LINGO2: variants seen among roughly 807,000 people sequenced by gnomAD.
The protein encoded by LINGO2 is leucine-rich repeat and immunoglobulin-like domain-containing nogo receptor-interacting protein 2.
Under a neutral mutation model 30.6 loss-of-function variants are expected in LINGO2, and 14 were observed. That is an observed-to-expected ratio of 0.46 (90% CI 0.30 to 0.72). The LOEUF (loss-of-function observed/expected upper bound fraction) is 0.72. LINGO2 is among the 30% of genes least tolerant of loss of function. LINGO2 has a pLI of 0.07. For synonymous variants in LINGO2, 317 were observed against 288.5 expected (o/e 1.10, Z -1.00); for missense variants, 729 against 751.7 (o/e 0.97, Z 0.35).
intron 4 of LINGO2, among the ~76,000 whole-genome samples, chr9:28,038,419 C>A: frequency 6.6e-6 from 1 of 152,060 alleles, no homozygotes; most frequent in Non-Finnish European, 1.5e-5. Flanking sequence ...TATGGCTGGG[C>A]GCGGTGGCTC....
the LINGO2 span, among the ~76,000 whole-genome samples, chr9:28,969,098 C>T: frequency 6.6e-6 from 1 of 152,078 alleles, no homozygotes; most frequent in South Asian, 2.1e-4. Flanking sequence ...GTAGAGATCA[C>T]ATTTTACTGG....
chr9:29,017,123 G>T, the LINGO2 span, among the ~76,000 whole-genome samples: 1 of 151,984 alleles, frequency 6.6e-6, no homozygotes, highest in Non-Finnish European at 1.5e-5. Context: ...AATTAATCAG[G>T]ATTAATTTGA....
At chr9:28,847,792 A>C in the LINGO2 span, among the ~76,000 whole-genome samples, 2 of 45,922 alleles carry the variant, frequency 4.4e-5, no homozygotes, top group East Asian at 1.0e-3. Context: ...ATATATACAC[A>C]TATATGTATA....
At chr9:28,341,087 T>A (rs1156467373) in intron 3 of LINGO2, among the ~76,000 whole-genome samples, 1 of 152,122 alleles carries the variant, frequency 6.6e-6, no homozygotes, top group Non-Finnish European at 1.5e-5. Context: ...CTGGATTGTT[T>A]AATGAACAAA....
At chr9:28,256,869 A>G (rs534868087) in intron 4 of LINGO2, among the ~76,000 whole-genome samples, 1 of 151,942 alleles carries the variant, frequency 6.6e-6, no homozygotes, top group Non-Finnish European at 1.5e-5. Context: ...GTATTTTCCT[A>G]TATTTCCTCC....
At chr9:28,881,598 CTTT>C in the LINGO2 span, among the ~76,000 whole-genome samples, 11 of 143,324 alleles carry the variant, frequency 7.7e-5, no homozygotes, top group South Asian at 2.2e-4. Flanking sequence ...TACTGACAAC[CTTT>C]TTTTTTTTTT....
chr9:29,101,749 T>C, the LINGO2 span, among the ~76,000 whole-genome samples: 2 of 152,242 alleles, frequency 1.3e-5, no homozygotes, highest in African/African-American at 4.8e-5. Flanking sequence ...AGGATCTCAC[T>C]CTTTTTTATG....
the LINGO2 span, among the ~76,000 whole-genome samples, chr9:28,858,029 C>G: frequency 1.3e-5 from 2 of 151,892 alleles, no homozygotes; most frequent in African/African-American, 4.8e-5. Flanking sequence ...TGGATAAACA[C>G]TACCAAACAT....
rs557459058 is a variant in LINGO2, at chr9:28,021,792, TTC to T, written c.-86-9389_-86-9388del. Among the ~76,000 whole-genome samples the T allele has an allele frequency of 3.2e-4, 49 of 152,284 alleles. 1 individual carries two copies. The highest frequency in any genetic ancestry group is 2.5e-3 in the Admixed American group (38 of 15,290). On this transcript the variant is annotated intron_variant, in intron 4 of 5. Coordinates refer to ENST00000379992, the Ensembl canonical transcript of LINGO2. The stretch of plus-strand genomic sequence containing the variant: ...AAGTCAGTTTCGTTTAATACACTAC[TTC>T]TGTTTCTTTTGATTAGTAGGAGCAC...
intron 2 of LINGO2, among the ~76,000 whole-genome samples, chr9:28,405,567 G>A (rs931995570): frequency 6.6e-6 from 1 of 152,094 alleles, no homozygotes; most frequent in African/African-American, 2.4e-5. Context: ...TAGATTTGTA[G>A]CATTTACCAC....
At chr9:29,049,835 T>G in the LINGO2 span, among the ~76,000 whole-genome samples, 2 of 152,052 alleles carry the variant, frequency 1.3e-5, no homozygotes, top group African/African-American at 4.8e-5. Context: ...TGAGGATGGT[T>G]AATGAGTACA....
chr9:29,091,288 AC>A, the LINGO2 span, among the ~76,000 whole-genome samples: 12 of 152,058 alleles, frequency 7.9e-5, no homozygotes, highest in African/African-American at 2.9e-4. Context: ...GTGCCAATGG[AC>A]CCCCATGGAA....
intron 1 of LINGO2, among the ~76,000 whole-genome samples, chr9:28,587,207 C>A (rs1197251162): frequency 3.9e-5 from 6 of 151,958 alleles, no homozygotes; most frequent in Non-Finnish European, 8.8e-5. Context: ...CCCCCAAGAT[C>A]CCCTTCCCCT....
At chr9:28,517,366 G>A (rs1439065773) in intron 1 of LINGO2, among the ~76,000 whole-genome samples, 1 of 152,102 alleles carries the variant, frequency 6.6e-6, no homozygotes, top group Non-Finnish European at 1.5e-5. Context: ...AGACTTTCTA[G>A]GAAGCAAATG....
the LINGO2 span, among the ~76,000 whole-genome samples, chr9:29,058,785 C>G: frequency 1.3e-5 from 2 of 151,664 alleles, no homozygotes; most frequent in East Asian, 3.9e-4. Context: ...TCATCAAACA[C>G]AACGTAACAC....
the LINGO2 span, among the ~76,000 whole-genome samples, chr9:29,156,102 A>G: frequency 6.6e-6 from 1 of 152,134 alleles, no homozygotes; most frequent in African/African-American, 2.4e-5. Context: ...CTGCTACTAT[A>G]GATTGCTCTG....
At chr9:28,645,902 G>C (rs1827818713) in intron 1 of LINGO2, among the ~76,000 whole-genome samples, 1 of 152,096 alleles carries the variant, frequency 6.6e-6, no homozygotes, top group Non-Finnish European at 1.5e-5. Flanking sequence ...GTGCTTTAGA[G>C]CTAAACAGAC....
At chr9:28,668,785 A>G (rs893991105) in intron 1 of LINGO2, among the ~76,000 whole-genome samples, 3 of 152,172 alleles carry the variant, frequency 2.0e-5, no homozygotes, top group Admixed American at 1.3e-4. Flanking sequence ...AATTTATCAT[A>G]TTTTAAGTGC....
At chr9:28,618,666 C>T (rs773183153) in intron 1 of LINGO2, among the ~76,000 whole-genome samples, 60 of 152,144 alleles carry the variant, frequency 3.9e-4, no homozygotes, top group African/African-American at 1.4e-3. Context: ...TATGATCTAG[C>T]TCCTTTAGTT....
Sources: allele counts gnomAD v4.1 joint callset (sites outside exome capture counted in the v4.1 genomes callset), GRCh38; gene constraint gnomAD v4.1.1; transcripts MANE v1.5; gene names NCBI Gene and HGNC (gene_info 2026-07-23, HGNC 2026-07-21).